Variants in KCNMB2 observed in about 807,000 individuals in gnomAD.
KCNMB2 encodes the protein calcium-activated potassium channel subunit beta-2.
Under a neutral mutation model 24.5 loss-of-function variants are expected in KCNMB2, and 9 were observed. The ratio of observed to expected loss-of-function variants is 0.37; its 90% CI spans 0.22 to 0.64. KCNMB2 has a LOEUF of 0.64. KCNMB2 is among the 30% of genes least tolerant of loss of function. KCNMB2 has a pLI of 0.63. For synonymous variants in KCNMB2, 109 were observed against 104.4 expected, an observed-to-expected ratio of 1.04 and a Z score of -0.27; for missense variants, 226 against 284.3, an observed-to-expected ratio of 0.79 and a Z score of 1.47.
chr3:178,674,932 G>A (rs1721022444), intron 1 of KCNMB2, among the ~76,000 whole-genome samples: 1 of 152,160 alleles, frequency 6.6e-6, no homozygotes, highest in African/African-American at 2.4e-5. Context: ...ATGCCATGTG[G>A]TTCCCTCTCA....
At chr3:178,602,567 CG>C (rs1718121067) in intron 1 of KCNMB2, among the ~76,000 whole-genome samples, 3 of 131,420 alleles carry the variant, frequency 2.3e-5, no homozygotes, top group Non-Finnish European at 3.2e-5. Context: ...CTGGGAGGTT[CG>C]GGGGTGGGGG....
intron 1 of KCNMB2, chr3:178,757,239 C>T (rs547526001): frequency 7.0e-6 from 1 of 142,820 alleles, no homozygotes; most frequent in Non-Finnish European, 1.5e-5. Flanking sequence ...GTGGTACACA[C>T]ATACACACAT....
chr3:178,668,924 C>T (rs1720808842), intron 1 of KCNMB2, among the ~76,000 whole-genome samples: 1 of 152,160 alleles, frequency 6.6e-6, no homozygotes, highest in South Asian at 2.1e-4. Context: ...GACAGTTCAT[C>T]TTTCCTTCAG....
intron 1 of KCNMB2, among the ~76,000 whole-genome samples, chr3:178,712,055 T>C (rs552597829): frequency 6.6e-6 from 1 of 152,296 alleles, no homozygotes; most frequent in East Asian, 1.9e-4. Context: ...CAATTCTGTA[T>C]TTTCTACTTT....
At chr3:178,830,363 G>A (rs976837184) in intron 4 of KCNMB2, among the ~76,000 whole-genome samples, 4 of 151,970 alleles carry the variant, frequency 2.6e-5, no homozygotes, top group African/African-American at 9.7e-5. Flanking sequence ...TACTGCTGAT[G>A]GACATTTTGA....
At chr3:178,656,414 G>A (rs914167876) in intron 1 of KCNMB2, among the ~76,000 whole-genome samples, 1 of 152,166 alleles carries the variant, frequency 6.6e-6, no homozygotes, top group Middle Eastern at 3.2e-3. Flanking sequence ...TATAGCATAT[G>A]TCAGAAATGT....
intron 1 of KCNMB2, among the ~76,000 whole-genome samples, chr3:178,689,939 G>A (rs1721609800): frequency 6.6e-6 from 1 of 151,798 alleles, no homozygotes; most frequent in South Asian, 2.1e-4. Context: ...AAGGAAAGGA[G>A]AGAGACCTTA....
chr3:178,797,157 A>C (rs1713582909), intron 1 of KCNMB2, among the ~76,000 whole-genome samples: 1 of 152,184 alleles, frequency 6.6e-6, no homozygotes. Context: ...AAATTCCTAG[A>C]TGCATACAAT....
chr3:178,544,280 C>G (rs1178727589), intron 1 of KCNMB2, among the ~76,000 whole-genome samples: 1 of 152,104 alleles, frequency 6.6e-6, no homozygotes, highest in Admixed American at 6.6e-5. Context: ...GTCCTCTCAC[C>G]TCTTCTCTTT....
chr3:178,670,575 G>C lies in KCNMB2; in HGVS notation c.-68+133864G>C, dbSNP rs1720867058. On this transcript the variant is annotated intron_variant, in intron 1 of 4. Transcript: ENST00000452583. ...ATGGCTCATTGTTCAACTCCTAAGA[G>C]GGCTGCACAACAGAAGGCCTCAATC... Among the ~76,000 whole-genome samples, 5 of 152,072 alleles carry C rather than the reference G, an allele frequency of 3.3e-5. No individual in the cohort carries two copies. The South Asian group carries it at 1.0e-3, about 31-fold the overall frequency.
At chr3:178,691,526 G>A (rs1205658049) in intron 1 of KCNMB2, among the ~76,000 whole-genome samples, 1 of 151,982 alleles carries the variant, frequency 6.6e-6, no homozygotes, top group Admixed American at 6.5e-5. Context: ...TCCTGTTCCT[G>A]TGTTCATTTG....
intron 1 of KCNMB2, among the ~76,000 whole-genome samples, chr3:178,654,922 T>G (rs893687832): frequency 1.1e-4 from 17 of 152,212 alleles, no homozygotes; most frequent in African/African-American, 3.6e-4. Flanking sequence ...CTCAGTTTTC[T>G]CATTTGTAAC....
intron 1 of KCNMB2, among the ~76,000 whole-genome samples, chr3:178,651,086 G>A (rs988664672): frequency 3.8e-4 from 58 of 152,234 alleles, no homozygotes; most frequent in Admixed American, 2.6e-3. Context: ...AAGAAACAAA[G>A]GGCATTCAAA....
chr3:178,810,348 C>T (rs1714136346), intron 2 of KCNMB2, among the ~76,000 whole-genome samples: 1 of 152,128 alleles, frequency 6.6e-6, no homozygotes, highest in South Asian at 2.1e-4. Flanking sequence ...TCCCAGAAGC[C>T]AGGCCATACA....
chr3:178,706,531 T>A (rs1295103929), intron 1 of KCNMB2, among the ~76,000 whole-genome samples: 1 of 152,016 alleles, frequency 6.6e-6, no homozygotes, highest in African/African-American at 2.4e-5. Context: ...TTGTACCCCT[T>A]TCTAATCTCC....
At chr3:178,685,322 T>C (rs947235202) in intron 1 of KCNMB2, among the ~76,000 whole-genome samples, 3 of 152,340 alleles carry the variant, frequency 2.0e-5, no homozygotes, top group Middle Eastern at 3.4e-3. Context: ...TAACCATCAA[T>C]AATAATAATC....
chr3:178,786,014 T>C (rs1460505138), intron 1 of KCNMB2, among the ~76,000 whole-genome samples: 1 of 152,096 alleles, frequency 6.6e-6, no homozygotes, highest in Non-Finnish European at 1.5e-5. Context: ...AGAACAGAAA[T>C]GGAATTCAAA....
rs542296720 is a variant in KCNMB2 at position 178,563,150 on chromosome 3, T to C, written c.-68+26439T>C. Among the ~76,000 whole-genome samples, 240 of 152,318 alleles carry C rather than the reference T, an allele frequency of 1.6e-3. 1 individual carries two copies. The highest frequency in any genetic ancestry group is 2.7e-3 in the Non-Finnish European group (182 of 68,020). On this transcript the variant is annotated intron_variant, in intron 1 of 4. Coordinates refer to ENST00000452583, the MANE Select transcript of KCNMB2 (RefSeq NM_181361.3). ...GTGTAGACCCTTGTGAGCCTGGTGG[T>C]TGCCTTCCAAGTATTTGAAGGTTGC...
intron 1 of KCNMB2, among the ~76,000 whole-genome samples, chr3:178,616,401 T>A (rs1409167799): frequency 6.6e-6 from 1 of 152,114 alleles, no homozygotes; most frequent in African/African-American, 2.4e-5. Context: ...CACTCCCTCC[T>A]TGGGTGGGTG....
Sources: gnomAD v4.1 joint callset for allele counts (sites outside exome capture counted in the v4.1 genomes callset) on GRCh38, gnomAD v4.1.1 for gene constraint, MANE v1.5 for transcripts, NCBI Gene and HGNC (gene_info 2026-07-23, HGNC 2026-07-21) for gene names.